The following CCNT2 variants were observed in gnomAD, a reference collection of about 807,000 sequenced individuals.
CCNT2 encodes cyclin-T2.
CCNT2 carries 18 observed loss-of-function variants against 70.0 expected under a neutral mutation model. The observed-to-expected ratio is 0.26, with a 90% CI of 0.18 to 0.38. The LOEUF (loss-of-function observed/expected upper bound fraction) is 0.38. Ranked by LOEUF, CCNT2 falls within the 10% of genes least tolerant of loss-of-function variation. The pLI is 1.00. For missense variants in CCNT2, 734 were observed against 890.2 expected, an observed-to-expected ratio of 0.82 and a Z score of 2.23; for synonymous variants, 334 against 313.3, an observed-to-expected ratio of 1.07 and a Z score of -0.70.
In CCNT2 at chr2:134,953,295, A is replaced by G. The variant is rs776893383; in HGVS notation, c.840A>G (p.Ser280=). The change falls in exon 9 of 9, where the codon TCA becomes TCG. Residue 280 remains serine (S), a synonymous_variant. Transcript: ENST00000264157. The part of the protein sequence containing the change: ...GQVSETPLLG[S]SLVQNSILVD... ...TATCAGAGACACCACTTCTTGGTTC[A>G]TCTTTGGTCCAGAATTCCATTTTAG... 3 of 1,613,782 alleles carry G rather than the reference A, an allele frequency of 1.9e-6. No homozygotes were observed. Among genetic ancestry groups the G allele is most frequent in the Admixed American group, 1.7e-5 (1 of 59,992 alleles).
chr2:134,919,768 G>C, intron 1 of CCNT2, 42 bp from the exon 2 acceptor site: 1 of 1,461,626 alleles, frequency 6.8e-7, no homozygotes, highest in Non-Finnish European at 9.5e-7. Context: ...CTGGGAATGA[G>C]ATCTTGCTTT....
intron 2 of CCNT2, among the ~76,000 whole-genome samples, chr2:134,931,674 C>A (rs528419967): frequency 6.6e-6 from 1 of 152,202 alleles, no homozygotes; most frequent in South Asian, 2.1e-4. Flanking sequence ...ATAATCTGTT[C>A]GAAGGAAAGT....
intron 7 of CCNT2, 106 bp downstream of exon 7, chr2:134,948,005 C>A: frequency 1.7e-6 from 1 of 585,612 alleles, no homozygotes; most frequent in Non-Finnish European, 2.8e-6. Context: ...AGAATGAAAA[C>A]AACAATTCAT....
intron 8 of CCNT2, 140 bp downstream of exon 8, chr2:134,952,851 C>T: frequency 1.6e-6 from 1 of 638,396 alleles, no homozygotes; most frequent in Non-Finnish European, 2.7e-6. Context: ...CATATACTCA[C>T]ATATTCAACT....
At chr2:134,942,785 G>C in intron 5 of CCNT2, 111 bp downstream of exon 5, 7 of 1,390,858 alleles carry the variant, frequency 5.0e-6, no homozygotes, top group Non-Finnish European at 6.7e-6. Flanking sequence ...ATTAAAATTA[G>C]GGAGAAATGT....
chr2:134,919,954 A>G (rs1232110008), intron 2 of CCNT2, 63 bp downstream of exon 2: 8 of 1,133,688 alleles, frequency 7.1e-6, no homozygotes, highest in African/African-American at 1.6e-5. Flanking sequence ...ACGCAGAAAA[A>G]AAGTTGGTCA....
intron 5 of CCNT2, 36 bp from the exon 6 acceptor site, chr2:134,946,065 G>T: frequency 6.2e-7 from 1 of 1,609,544 alleles, no homozygotes; most frequent in South Asian, 1.1e-5. Context: ...CGTTAAGGCT[G>T]ATAGTATTGT....
At chr2:134,935,187 ATCCTT>A in intron 2 of CCNT2, among the ~76,000 whole-genome samples, 1 of 152,210 alleles carries the variant, frequency 6.6e-6, no homozygotes, top group East Asian at 1.9e-4. Flanking sequence ...AATTTTTCTA[ATCCTT>A]TCCTTGTTGT....
chr2:134,932,548 G>T (rs1680857173), intron 2 of CCNT2, among the ~76,000 whole-genome samples: 1 of 152,080 alleles, frequency 6.6e-6, no homozygotes, highest in Non-Finnish European at 1.5e-5. Flanking sequence ...CCAGCTTGAA[G>T]ATTTTTTTTA....
At chr2:134,940,666 G>A (rs1025812012) in intron 4 of CCNT2, among the ~76,000 whole-genome samples, 1 of 152,166 alleles carries the variant, frequency 6.6e-6, no homozygotes, top group Non-Finnish European at 1.5e-5. Context: ...TGTGACACCT[G>A]TCATCTCTGA....
At chr2:134,929,283 T>C (rs1221285164) in intron 2 of CCNT2, among the ~76,000 whole-genome samples, 1 of 152,066 alleles carries the variant, frequency 6.6e-6, no homozygotes, top group Non-Finnish European at 1.5e-5. Context: ...TCCTTGAAAT[T>C]TCTTTTGTTA....
At position 134,936,804 on chromosome 2, in the gene CCNT2, T is replaced by C. The variant is rs760472368; in HGVS notation, c.241-37T>C. 6 of 1,562,734 alleles carry C rather than the reference T, an allele frequency of 3.8e-6. No individual in the cohort carries two copies. The South Asian group carries it at 5.9e-5, about 15-fold the overall frequency. On this transcript the variant is annotated intron_variant, in intron 2 of 8. Coordinates refer to ENST00000264157, the MANE Select transcript of CCNT2 (RefSeq NM_058241.3). The stretch of plus-strand genomic sequence containing the variant: ...AAATAGAGGGTTTTTTGAAATGTAT[T>C]TGTTCTTAAATGACCAGAGTTTTAT...
intron 4 of CCNT2, among the ~76,000 whole-genome samples, chr2:134,941,593 C>T (rs1219827422): frequency 6.6e-6 from 1 of 151,760 alleles, no homozygotes; most frequent in Non-Finnish European, 1.5e-5. Context: ...TAAAAAGATA[C>T]CAAAAAAGTG....
At chr2:134,952,860 C>T (rs1682628477) in intron 8 of CCNT2, 149 bp downstream of exon 8, 2 of 613,014 alleles carry the variant, frequency 3.3e-6, no homozygotes, top group Non-Finnish European at 5.7e-6. Context: ...ACATATTCAA[C>T]TACTGAGTCC....
chr2:134,925,210 CT>C (rs996923969), intron 2 of CCNT2, among the ~76,000 whole-genome samples: 4 of 152,116 alleles, frequency 2.6e-5, no homozygotes, highest in Admixed American at 1.3e-4. Context: ...TCTGTCATTT[CT>C]TTCTTACAAA....
chr2:134,919,117 C>G (rs183591450), intron 1 of CCNT2, 105 bp downstream of exon 1: 4 of 1,291,392 alleles, frequency 3.1e-6, no homozygotes, highest in African/African-American at 3.0e-5. Flanking sequence ...TTCGCTGGGC[C>G]TCGGCGCCGC....
chr2:134,942,759 C>T (rs1472837881), intron 5 of CCNT2, 85 bp downstream of exon 5: 1 of 1,421,668 alleles, frequency 7.0e-7, no homozygotes, highest in Non-Finnish European at 9.4e-7. Flanking sequence ...GTTTTTCTAG[C>T]CTTTTGTTAG....
chr2:134,948,719 A>C (rs1277563960), intron 7 of CCNT2, among the ~76,000 whole-genome samples: 2 of 118,526 alleles, frequency 1.7e-5, no homozygotes, highest in Non-Finnish European at 3.5e-5. Flanking sequence ...AATAGATAAC[A>C]CTTTTTTTTT....
chr2:134,933,364 C>G (rs778784590), intron 2 of CCNT2, among the ~76,000 whole-genome samples: 5 of 152,162 alleles, frequency 3.3e-5, no homozygotes, highest in Non-Finnish European at 7.3e-5. Flanking sequence ...ATTACCCAGA[C>G]TTTTTGTTAA....
Sources: allele counts gnomAD v4.1 joint callset (sites outside exome capture counted in the v4.1 genomes callset), GRCh38; gene constraint gnomAD v4.1.1; transcripts MANE v1.5; gene names NCBI Gene and HGNC (gene_info 2026-07-23, HGNC 2026-07-21).